ANKS1B: variants seen among roughly 807,000 people sequenced by gnomAD.
The protein encoded by ANKS1B is ankyrin repeat and sterile alpha motif domain-containing protein 1B.
A neutral mutation model predicts 148.3 loss-of-function variants in ANKS1B; 36 were observed. The observed-to-expected ratio is 0.24, with a 90% CI of 0.19 to 0.32. ANKS1B has a LOEUF of 0.32. Among genes scored for constraint, ANKS1B ranks in the 10% least tolerant of loss-of-function variants. ANKS1B has a pLI of 1.00. For synonymous variants in ANKS1B, 542 were observed against 560.8 expected, an observed-to-expected ratio of 0.97 and a Z score of 0.47; for missense variants, 1,157 against 1,542.6, an observed-to-expected ratio of 0.75 and a Z score of 4.19.
intron 19 of ANKS1B, among the ~76,000 whole-genome samples, chr12:98,811,604 T>C (rs948398908): frequency 6.6e-6 from 1 of 152,132 alleles, no homozygotes; most frequent in Non-Finnish European, 1.5e-5. Context: ...CGGGAATGCA[T>C]TCTGTCTCCT....
chr12:99,436,027 C>A (rs1022641398), intron 11 of ANKS1B, among the ~76,000 whole-genome samples: 57 of 151,746 alleles, frequency 3.8e-4, no homozygotes, highest in African/African-American at 1.3e-3. Flanking sequence ...TCTATTACGT[C>A]TATCTTTCTG....
chr12:99,465,970 C>T lies in ANKS1B; in HGVS notation c.1439-22161G>A, dbSNP rs190594958. 3.9e-5 allele frequency among the ~76,000 whole-genome samples: 6 copies of T among 152,130 alleles called. No homozygotes were observed. The East Asian group carries it at 9.7e-4, about 25-fold the overall frequency. ...AATAGACATCTACAGAACTCTCCACCCCAAATCAATATACATTTTTTTCAG... is the reference window on the plus strand; with the variant it reads ...AATAGACATCTACAGAACTCTCCACTCCAAATCAATATACATTTTTTTCAG... On this transcript the variant is annotated intron_variant, in intron 10 of 26. Transcript: ENST00000683438.
chr12:99,125,332 A>G (rs2064015499), intron 15 of ANKS1B, among the ~76,000 whole-genome samples: 1 of 152,200 alleles, frequency 6.6e-6, no homozygotes, highest in Admixed American at 6.6e-5. Flanking sequence ...GGTTCCCATT[A>G]TCAAAGAAGT....
intron 1 of ANKS1B, among the ~76,000 whole-genome samples, chr12:99,972,903 C>T (rs2095577245): frequency 6.6e-6 from 1 of 152,132 alleles, no homozygotes. Context: ...TGCTTATTTA[C>T]CATTCCAAAA....
intron 9 of ANKS1B, among the ~76,000 whole-genome samples, chr12:99,653,545 C>T (rs2098435341): frequency 6.6e-6 from 1 of 152,092 alleles, no homozygotes; most frequent in South Asian, 2.1e-4. Flanking sequence ...GAAGACATGA[C>T]ACCCTAGAAT....
intron 9 of ANKS1B, among the ~76,000 whole-genome samples, chr12:99,573,147 T>C (rs12305062): frequency 0.013 from 2,050 of 152,140 alleles, 48 homozygotes; most frequent in African/African-American, 0.047. Flanking sequence ...AAATGGAAAA[T>C]GTATTTAGGC....
rs1314421486 is a variant in ANKS1B, at chr12:99,040,796, T to G, written c.2778+12361A>C. Among the ~76,000 whole-genome samples, 5 of 152,204 alleles carry G rather than the reference T, an allele frequency of 3.3e-5. 1 individual carries two copies. The highest frequency in any genetic ancestry group is 3.3e-4 in the Admixed American group (5 of 15,274). ...AGGTATTTATTTGCCACCTCCGGTG[T>G]GCTAGAAACTGTTCTAGGAGCTGGG... is the stretch of plus-strand genomic sequence containing the variant. On this transcript the variant is annotated intron_variant, in intron 17 of 26. Transcript: ENST00000683438.
At chr12:99,771,795 G>A (rs567341765) in intron 8 of ANKS1B, among the ~76,000 whole-genome samples, 5 of 152,126 alleles carry the variant, frequency 3.3e-5, no homozygotes, top group Admixed American at 3.3e-4. Flanking sequence ...AAAAAAAGCA[G>A]GCCAAGGAGG....
At chr12:99,759,954 A>G (rs1306647463) in intron 8 of ANKS1B, among the ~76,000 whole-genome samples, 1 of 47,154 alleles carries the variant, frequency 2.1e-5, no homozygotes, top group African/African-American at 9.2e-5. Flanking sequence ...TAGAAAGAAC[A>G]AAAGTATCAA....
intron 4 of ANKS1B, among the ~76,000 whole-genome samples, chr12:99,795,410 T>G (rs748094686): frequency 6.6e-6 from 1 of 151,960 alleles, no homozygotes. Context: ...GCATTCTACA[T>G]TCAGTCAAAC....
intron 9 of ANKS1B, among the ~76,000 whole-genome samples, chr12:99,637,647 T>C (rs917724028): frequency 5.3e-5 from 8 of 152,054 alleles, no homozygotes; most frequent in Non-Finnish European, 1.0e-4. Flanking sequence ...TTTTCTTTCA[T>C]GCTGGATGCT....
intron 10 of ANKS1B, among the ~76,000 whole-genome samples, chr12:99,475,224 G>A (rs2096299024): frequency 6.9e-6 from 1 of 145,974 alleles, no homozygotes; most frequent in South Asian, 2.2e-4. Flanking sequence ...CAGCCTGGGT[G>A]ACAGAGTCAG....
chr12:99,880,927 G>A (rs1297899090), intron 1 of ANKS1B, among the ~76,000 whole-genome samples: 2 of 152,210 alleles, frequency 1.3e-5, no homozygotes, highest in African/African-American at 4.8e-5. Flanking sequence ...CCCTTAGCCA[G>A]AATTTAACAA....
chr12:99,803,946 C>T (rs570140355), intron 4 of ANKS1B, among the ~76,000 whole-genome samples: 8 of 152,280 alleles, frequency 5.3e-5, no homozygotes, highest in African/African-American at 1.9e-4. Context: ...TTGTCTCCTC[C>T]ACTAAGCGTG....
At chr12:99,073,018 G>A (rs950837170) in intron 16 of ANKS1B, among the ~76,000 whole-genome samples, 1 of 152,122 alleles carries the variant, frequency 6.6e-6, no homozygotes, top group African/African-American at 2.4e-5. Context: ...CAATTAATGG[G>A]CCAAATGAAC....
chr12:99,104,152 T>C (rs1289682731), intron 15 of ANKS1B, among the ~76,000 whole-genome samples: 1 of 152,054 alleles, frequency 6.6e-6, no homozygotes, highest in Non-Finnish European at 1.5e-5. Context: ...AGAATGAGAT[T>C]GAGGGTAGGC....
rs532602896 is a variant in ANKS1B, at chr12:99,255,010, C to A, written c.1757-8146G>T. ...TGTCTAGTTTTTACATGATTACTCA[C>A]CTCACAGAAATAGTTGGGGAAAATT... On this transcript the variant is annotated intron_variant, in intron 12 of 26. Transcript: ENST00000683438. 2.6e-5 allele frequency among the ~76,000 whole-genome samples: 4 copies of A among 152,252 alleles called. No homozygotes were observed. The South Asian group carries it at 8.3e-4, about 32-fold the overall frequency.
At chr12:98,961,819 A>C (rs1460631658) in intron 17 of ANKS1B, among the ~76,000 whole-genome samples, 1 of 152,144 alleles carries the variant, frequency 6.6e-6, no homozygotes, top group East Asian at 1.9e-4. Context: ...CTATGCAATC[A>C]GTATTAAGTT....
intron 12 of ANKS1B, among the ~76,000 whole-genome samples, chr12:99,312,165 T>G (rs2083268407): frequency 6.6e-6 from 1 of 152,160 alleles, no homozygotes; most frequent in South Asian, 2.1e-4. Flanking sequence ...CTGTAATAGC[T>G]GCACAGTTTT....
Sources: allele counts gnomAD v4.1 joint callset (sites outside exome capture counted in the v4.1 genomes callset), GRCh38; gene constraint gnomAD v4.1.1; transcripts MANE v1.5; gene names NCBI Gene and HGNC (gene_info 2026-07-23, HGNC 2026-07-21).